The following SLC8A1 variants were observed in gnomAD, a reference collection of about 807,000 sequenced individuals.
The protein encoded by SLC8A1 is sodium/calcium exchanger 1.
A neutral mutation model predicts 68.3 loss-of-function variants in SLC8A1; 18 were observed. The ratio of observed to expected loss-of-function variants is 0.26; its 90% CI spans 0.18 to 0.39. The LOEUF is 0.39. Among genes scored for constraint, SLC8A1 ranks in the 10% least tolerant of loss-of-function variants. SLC8A1 has a pLI of 1.00. For synonymous variants in SLC8A1, 475 were observed against 415.5 expected, an observed-to-expected ratio of 1.14 and a Z score of -1.74; for missense variants, 985 against 1,156.7, an observed-to-expected ratio of 0.85 and a Z score of 2.15.
intron 2 of SLC8A1, among the ~76,000 whole-genome samples, chr2:40,220,862 AT>A (rs1041522379): frequency 7.3e-5 from 11 of 151,388 alleles, no homozygotes; most frequent in African/African-American, 1.9e-4. Context: ...TAATAGTTGA[AT>A]TTTTTTTTCT....
intron 2 of SLC8A1, among the ~76,000 whole-genome samples, chr2:40,211,877 T>G (rs188085022): frequency 6.6e-6 from 1 of 152,274 alleles, no homozygotes; most frequent in African/African-American, 2.4e-5. Flanking sequence ...AACAGTGAAG[T>G]GATGTGTCTG....
intron 2 of SLC8A1, among the ~76,000 whole-genome samples, chr2:40,232,748 C>T (rs1286578432): frequency 2.4e-5 from 2 of 83,128 alleles, no homozygotes; most frequent in Admixed American, 1.2e-4. Context: ...TATCCCTCCC[C>T]CCCCGCCACC....
At chr2:40,295,242 G>A (rs1440381426) in intron 2 of SLC8A1, among the ~76,000 whole-genome samples, 1 of 151,962 alleles carries the variant, frequency 6.6e-6, no homozygotes, top group Non-Finnish European at 1.5e-5. Flanking sequence ...TGGGACTACA[G>A]GCATAAGCCA....
chr2:40,314,959 C>T (rs2074241600), intron 2 of SLC8A1, among the ~76,000 whole-genome samples: 1 of 151,950 alleles, frequency 6.6e-6, no homozygotes, highest in Admixed American at 6.6e-5. Context: ...TCATTTCTGT[C>T]TTTCCAATCT....
At chr2:40,195,338 A>G (rs747931065) in intron 2 of SLC8A1, among the ~76,000 whole-genome samples, 4 of 152,024 alleles carry the variant, frequency 2.6e-5, no homozygotes, top group Non-Finnish European at 5.9e-5. Context: ...CCGATGATCA[A>G]CAAGCTTATT....
At chr2:40,235,557 G>C (rs2060254425) in intron 2 of SLC8A1, among the ~76,000 whole-genome samples, 1 of 151,940 alleles carries the variant, frequency 6.6e-6, no homozygotes, top group Non-Finnish European at 1.5e-5. Context: ...CCAGCTCCTG[G>C]ATTCATTAAT....
At chr2:40,344,760 C>T (rs1428144454) in intron 2 of SLC8A1, among the ~76,000 whole-genome samples, 1 of 152,204 alleles carries the variant, frequency 6.6e-6, no homozygotes, top group Non-Finnish European at 1.5e-5. Flanking sequence ...GAAAGTCTCA[C>T]TCAGAATTGA....
At chr2:40,135,087 T>A (rs1038437543) in intron 7 of SLC8A1, among the ~76,000 whole-genome samples, 1 of 151,860 alleles carries the variant, frequency 6.6e-6, no homozygotes, top group Admixed American at 6.6e-5. Context: ...GGAATGAGCT[T>A]GGTGTGTGGA....
intron 2 of SLC8A1, among the ~76,000 whole-genome samples, chr2:40,242,118 T>A (rs2061302274): frequency 4.6e-5 from 7 of 151,926 alleles, no homozygotes; most frequent in Admixed American, 3.9e-4. Context: ...CCTTACAATT[T>A]AAGTGTGAGA....
chr2:40,369,979 A>C (rs780964790), intron 2 of SLC8A1, among the ~76,000 whole-genome samples: 12 of 152,148 alleles, frequency 7.9e-5, no homozygotes, highest in Non-Finnish European at 1.8e-4. Context: ...AAAGATCTAT[A>C]AAATAAAGAC....
At chr2:40,214,791 A>G (rs2057198966) in intron 2 of SLC8A1, among the ~76,000 whole-genome samples, 1 of 152,044 alleles carries the variant, frequency 6.6e-6, no homozygotes, top group African/African-American at 2.4e-5. Context: ...TTTTTTGAGA[A>G]TTTCCAGGCC....
chr2:40,497,491 T>C (rs1473730485), intron 1 of SLC8A1, among the ~76,000 whole-genome samples: 1 of 151,818 alleles, frequency 6.6e-6, no homozygotes, highest in Non-Finnish European at 1.5e-5. Flanking sequence ...AAAGGGAAAA[T>C]ATAAATCAGT....
At chr2:40,375,451 A>T (rs1383873848) in intron 2 of SLC8A1, among the ~76,000 whole-genome samples, 2 of 152,122 alleles carry the variant, frequency 1.3e-5, no homozygotes, top group Non-Finnish European at 2.9e-5. Context: ...AGCTCATTTT[A>T]AAAAATAAGC....
intron 2 of SLC8A1, among the ~76,000 whole-genome samples, chr2:40,394,624 C>G (rs1321976489): frequency 6.6e-6 from 1 of 152,024 alleles, no homozygotes; most frequent in African/African-American, 2.4e-5. Flanking sequence ...GTTTGTGAAC[C>G]TATTTCTGCT....
At chr2:40,238,262 G>T (rs545905638) in intron 2 of SLC8A1, among the ~76,000 whole-genome samples, 1 of 152,088 alleles carries the variant, frequency 6.6e-6, no homozygotes, top group Non-Finnish European at 1.5e-5. Flanking sequence ...GTGAGACTCC[G>T]TGGGCGTAGG....
chr2:40,480,719 G>A (rs1031884580), intron 1 of SLC8A1, among the ~76,000 whole-genome samples: 2 of 152,176 alleles, frequency 1.3e-5, no homozygotes, highest in Non-Finnish European at 2.9e-5. Flanking sequence ...TGCTGGGCAT[G>A]TCAAGTGCTC....
At chr2:40,356,152 A>G (rs1672597140) in intron 2 of SLC8A1, among the ~76,000 whole-genome samples, 3 of 152,166 alleles carry the variant, frequency 2.0e-5, no homozygotes, top group Non-Finnish European at 4.4e-5. Flanking sequence ...ACCCACCCCC[A>G]GTTAAACAGT....
chr2:40,189,582 G>A (rs1348021465), intron 2 of SLC8A1, among the ~76,000 whole-genome samples: 2 of 152,148 alleles, frequency 1.3e-5, no homozygotes, highest in Non-Finnish European at 2.9e-5. Flanking sequence ...CCAAAGTGCT[G>A]GGATTACAGG....
At chr2:40,507,393 G>A (rs1041497460) in intron 1 of SLC8A1, among the ~76,000 whole-genome samples, 4 of 151,978 alleles carry the variant, frequency 2.6e-5, no homozygotes, top group African/African-American at 7.2e-5. Context: ...CTTTGGAAAT[G>A]TTAGTTCATA....
Sources: allele counts gnomAD v4.1 joint callset (sites outside exome capture counted in the v4.1 genomes callset), GRCh38; gene constraint gnomAD v4.1.1; transcripts MANE v1.5; gene names NCBI Gene and HGNC (gene_info 2026-07-23, HGNC 2026-07-21).